Variants in OGFOD3 observed in about 807,000 individuals in gnomAD.
OGFOD3 encodes the protein 2-oxoglutarate and iron dependent oxygenase domain containing 3, also known as 2-oxoglutarate and iron-dependent oxygenase domain-containing protein 3.
A neutral mutation model predicts 39.8 loss-of-function variants in OGFOD3; 35 were observed. The observed-to-expected ratio is 0.88, with a 90% CI of 0.67 to 1.17. The LOEUF (loss-of-function observed/expected upper bound fraction) is 1.17, where lower values mean the gene tolerates loss of function less well. Among genes scored for constraint, OGFOD3 ranks in the 50% most tolerant of loss-of-function variants. The pLI is 0.00. For synonymous variants in OGFOD3, 200 were observed against 192.0 expected (o/e 1.04, Z -0.34); for missense variants, 438 against 454.5 (o/e 0.96, Z 0.33).
rs756791672 is a variant in OGFOD3 at position 82,415,657 on chromosome 17, A to G, written c.75-30T>C. The G allele has an allele frequency of 1.3e-6, 2 of 1,572,976 alleles. No individual in the cohort carries two copies. Among genetic ancestry groups the G allele is most frequent in the South Asian group, 2.3e-5 (2 of 88,550 alleles). On this transcript the variant is annotated intron_variant, in intron 1 of 8. Transcript: ENST00000313056. The surrounding 1 kb of genome is among the most constrained non-coding windows in gnomAD (Gnocchi z 5.3). ...GAACAGAAAACAGGCCACGTCACCC[A>G]AACACGGAGTGAGGCCAGAGAAAAC...
At position 82,415,338 on chromosome 17, in the gene OGFOD3, G is replaced by A. The variant is rs571892682; in HGVS notation, c.304+60C>T. 1.4e-4 allele frequency: 217 copies of A among 1,512,040 alleles called. 2 individuals are homozygous for A. In the African/African-American group the frequency reaches 2.5e-3, roughly 18 times the overall value. The allele number at this position is 1,512,040 out of a possible 1,614,324, so 93.7% of individuals were successfully genotyped here. A position where few individuals can be genotyped will look rare whatever the true frequency, so the allele number is the denominator to read the frequency against. On this transcript the variant is annotated intron_variant, in intron 2 of 8. Coordinates refer to ENST00000313056, the MANE Select transcript of OGFOD3 (RefSeq NM_024648.3). This position sits in a 1 kb window ranked among gnomAD's most constrained non-coding sequence, Gnocchi z 5.3. Reference sequence around the variant, plus strand: ...CCAACCCAATTCCCACCCCTTCGTCGCAGCCAATGTCCTTTAACCACACTG... The same window carrying A: ...CCAACCCAATTCCCACCCCTTCGTCACAGCCAATGTCCTTTAACCACACTG...
At chr17:82,408,206 AG>A (rs2052886430) in intron 4 of OGFOD3, among the ~76,000 whole-genome samples, 1 of 152,254 alleles carries the variant, frequency 6.6e-6, no homozygotes, top group African/African-American at 2.4e-5. Flanking sequence ...TGCAGAAAAA[AG>A]TCACACAGAC....
At chr17:82,413,747 T>C (rs2052990035) in intron 2 of OGFOD3, among the ~76,000 whole-genome samples, 1 of 151,782 alleles carries the variant, frequency 6.6e-6, no homozygotes, top group Admixed American at 6.6e-5. Context: ...GGCAGGTGCC[T>C]GTAGTCCCAG....
chr17:82,399,945 C>A (rs1056941122), intron 7 of OGFOD3, among the ~76,000 whole-genome samples: 2 of 152,190 alleles, frequency 1.3e-5, no homozygotes, highest in African/African-American at 4.8e-5. Flanking sequence ...CAGCGCGGAA[C>A]TGGACACCCA....
At position 82,404,016 on chromosome 17, in the gene OGFOD3, T is replaced by G; in HGVS notation, c.620A>C (p.Lys207Thr). The G allele has an allele frequency of 6.2e-7, 1 of 1,611,326 alleles. No homozygotes were observed. Among genetic ancestry groups the G allele is most frequent in the Middle Eastern group, 1.7e-4 (1 of 6,060 alleles). Residue 207 changes from lysine (K) to threonine (T), a missense_variant, in exon 7 of 9, where the codon AAG becomes ACG. Physicochemically the swap from Lys to Thr is moderately conservative, Grantham distance 78. Coordinates refer to ENST00000313056, the MANE Select transcript of OGFOD3 (RefSeq NM_024648.3). The surrounding 1 kb of genome is among the most constrained non-coding windows in gnomAD (Gnocchi z 4.5). ...GISASSLHLT[K>T]PTFFSRINST... ...GTTTATGCGGGAGAAGAAGGTGGGC[T>G]TGGTCAGATGCAGCGAGGATGCGCT...
intron 3 of OGFOD3, among the ~76,000 whole-genome samples, chr17:82,410,167 A>C (rs891496129): frequency 1.6e-4 from 25 of 152,198 alleles, no homozygotes; most frequent in African/African-American, 6.0e-4. Flanking sequence ...CTGAGCTGCC[A>C]CAGGTGCTGG....
chr17:82,413,679 G>A (rs2052989050), intron 2 of OGFOD3, among the ~76,000 whole-genome samples: 1 of 152,114 alleles, frequency 6.6e-6, no homozygotes, highest in Non-Finnish European at 1.5e-5. Context: ...AGATCAGCCT[G>A]GGCAACATAG....
At chr17:82,399,018 C>CT (rs2052722697) in intron 7 of OGFOD3, among the ~76,000 whole-genome samples, 1 of 29,376 alleles carries the variant, frequency 3.4e-5, no homozygotes, top group Non-Finnish European at 7.0e-5. Context: ...GTGGTGGGGG[C>CT]AGGGGGGCGG....
intron 2 of OGFOD3, among the ~76,000 whole-genome samples, chr17:82,412,448 G>A (rs905242720): frequency 1.4e-5 from 2 of 145,064 alleles, no homozygotes; most frequent in East Asian, 2.0e-4. Flanking sequence ...ATCGGGGCAG[G>A]GGCATGGTTA....
At chr17:82,401,907 G>A (rs761792274) in intron 7 of OGFOD3, among the ~76,000 whole-genome samples, 7 of 151,072 alleles carry the variant, frequency 4.6e-5, no homozygotes, top group Non-Finnish European at 1.0e-4. Flanking sequence ...TCCTTCCTCT[G>A]TCACAGCGGG....
chr17:82,418,576 G>A lies in OGFOD3; in HGVS notation c.-91C>T, dbSNP rs2053133642. ...GGGAGCGCGAGGCAGGCACGGCGCA[G>A]GGACGCGAGTGCGACGCGCTCGGCC... is the stretch of plus-strand genomic sequence containing the variant. On this transcript the variant is annotated 5_prime_UTR_variant, in exon 1 of 9. Transcript: ENST00000313056. 1 of 627,778 alleles carries A rather than the reference G, an allele frequency of 1.6e-6. No individual in the cohort carries two copies. Among genetic ancestry groups the A allele is most frequent in the Admixed American group, 4.8e-5 (1 of 21,036 alleles). The allele number at this position is 627,778 out of a possible 1,614,324, so 38.9% of individuals were successfully genotyped here. A position where few individuals can be genotyped will look rare whatever the true frequency, so the allele number is the denominator to read the frequency against.
At chr17:82,412,623 G>A (rs902283799) in intron 2 of OGFOD3, among the ~76,000 whole-genome samples, 2 of 151,836 alleles carry the variant, frequency 1.3e-5, no homozygotes, top group Admixed American at 6.6e-5. Flanking sequence ...TTTGGGGCAG[G>A]GTGGTCAGGG....
chr17:82,394,443 C>G, intron 8 of OGFOD3: 1 of 1,613,794 alleles, frequency 6.2e-7, no homozygotes, highest in Non-Finnish European at 8.5e-7. Flanking sequence ...GGTGAGTCCC[C>G]GGAGGACACC....
In OGFOD3 at chr17:82,418,405, C is replaced by T. The variant is rs2053125825; in HGVS notation, c.74+7G>A. On this transcript the variant is annotated splice_region_variant and intron_variant, in intron 1 of 8. Coordinates refer to ENST00000313056, the MANE Select transcript of OGFOD3 (RefSeq NM_024648.3). ...GCAGCGCGCGCCCTTCCCCTCCTCACCGCTACCTGCTCCGGTTCCGGCGCT... is the reference window on the plus strand; with the variant it reads ...GCAGCGCGCGCCCTTCCCCTCCTCATCGCTACCTGCTCCGGTTCCGGCGCT... 2 of 1,477,788 alleles carry T rather than the reference C, an allele frequency of 1.4e-6. No homozygotes were observed. Among genetic ancestry groups the T allele is most frequent in the Admixed American group, 2.2e-5 (1 of 44,600 alleles). The allele number at this position is 1,477,788 out of a possible 1,614,324, so 91.5% of individuals were successfully genotyped here.
chr17:82,394,319 T>C, intron 8 of OGFOD3: 1 of 1,525,118 alleles, frequency 6.6e-7, no homozygotes, highest in Non-Finnish European at 8.8e-7. Flanking sequence ...TAAATGACTA[T>C]TAGATTATCA....
At position 82,391,785 on chromosome 17, in the gene OGFOD3, G is replaced by A. The variant is rs990696159; in HGVS notation, c.*613C>T. On this transcript the variant is annotated 3_prime_UTR_variant, in exon 9 of 9. Transcript: ENST00000313056. This position sits in a 1 kb window ranked among gnomAD's most constrained non-coding sequence, Gnocchi z 5.1. ...CCGCTGACAGGGCCAAGCCTGGTGT[G>A]GTGGGGCCGTGGCCCACGGTGATTT... The A allele has an allele frequency of 3.9e-5, 6 of 152,858 alleles. No individual in the cohort carries two copies. The highest frequency in any genetic ancestry group is 8.8e-5 in the Non-Finnish European group (6 of 68,540). The allele number at this position is 152,858 out of a possible 1,614,324, so 9.5% of individuals were successfully genotyped here.
intron 8 of OGFOD3, among the ~76,000 whole-genome samples, chr17:82,395,870 C>A (rs899838895): frequency 6.6e-6 from 1 of 151,938 alleles, no homozygotes; most frequent in Non-Finnish European, 1.5e-5. Flanking sequence ...TAGATACACA[C>A]AATTAGACAG....
intron 4 of OGFOD3, among the ~76,000 whole-genome samples, chr17:82,408,215 G>A (rs1159678372): frequency 6.6e-6 from 1 of 152,198 alleles, no homozygotes; most frequent in Non-Finnish European, 1.5e-5. Context: ...AAGTCACACA[G>A]ACCATCACAG....
rs185022018 is a variant in OGFOD3, at chr17:82,414,879, A to T, written c.304+519T>A. 3.0e-3 allele frequency among the ~76,000 whole-genome samples: 460 copies of T among 152,316 alleles called. 10 individuals are homozygous for T. The highest frequency in any genetic ancestry group is 3.8e-3 in the Non-Finnish European group (257 of 68,020). On this transcript the variant is annotated intron_variant, in intron 2 of 8. Coordinates refer to ENST00000313056, the MANE Select transcript of OGFOD3 (RefSeq NM_024648.3). ...GGGGTGTGCGGTGGCCGGCCCGGTCAGACCTGCTCCGAGGCCGTGCGCTCT... is the reference window on the plus strand; with the variant it reads ...GGGGTGTGCGGTGGCCGGCCCGGTCTGACCTGCTCCGAGGCCGTGCGCTCT...
Sources: allele counts gnomAD v4.1 joint callset (sites outside exome capture counted in the v4.1 genomes callset), GRCh38; gene constraint gnomAD v4.1.1; non-coding constraint Gnocchi (gnomAD v3.1); transcripts MANE v1.5; gene names NCBI Gene and HGNC (gene_info 2026-07-23, HGNC 2026-07-21).